Variants in ERBB4 observed in about 807,000 individuals in gnomAD.
ERBB4 encodes the protein receptor tyrosine-protein kinase erbB-4.
A neutral mutation model predicts 158.0 loss-of-function variants in ERBB4; 42 were observed. The observed-to-expected ratio is 0.27, with a 90% CI of 0.21 to 0.34. The LOEUF (loss-of-function observed/expected upper bound fraction) is 0.34. Among genes scored for constraint, ERBB4 ranks in the 10% least tolerant of loss-of-function variants. The probability of loss-of-function intolerance (pLI) is 1.00; values close to 1 mark genes in which losing one functional copy is unlikely to be tolerated. For missense variants in ERBB4, 1,333 were observed against 1,624.1 expected (o/e 0.82, Z 3.08); for synonymous variants, 583 against 558.7 (o/e 1.04, Z -0.61).
At chr2:211,678,404 A>C (rs980648715) in intron 13 of ERBB4, among the ~76,000 whole-genome samples, 1 of 152,216 alleles carries the variant, frequency 6.6e-6, no homozygotes, top group East Asian at 1.9e-4. Flanking sequence ...ATTGGGATAC[A>C]TGGAGAGGAA....
At chr2:211,527,229 C>T (rs182560967) in intron 20 of ERBB4, among the ~76,000 whole-genome samples, 1 of 152,086 alleles carries the variant, frequency 6.6e-6, no homozygotes, top group East Asian at 1.9e-4. Flanking sequence ...CAATGGAGCA[C>T]CCACATGTAT....
At chr2:212,034,745 TATATC>T (rs149044503) in intron 2 of ERBB4, among the ~76,000 whole-genome samples, 20 of 152,256 alleles carry the variant, frequency 1.3e-4, no homozygotes, top group Non-Finnish European at 2.2e-4. Context: ...CTTTTTCTCT[TATATC>T]ATAGTCACAA....
intron 16 of ERBB4, among the ~76,000 whole-genome samples, chr2:211,641,449 C>A (rs2070586789): frequency 1.3e-5 from 2 of 152,086 alleles, no homozygotes; most frequent in Non-Finnish European, 2.9e-5. Context: ...AAAACCTGTT[C>A]ATAGTGCTAT....
intron 3 of ERBB4, among the ~76,000 whole-genome samples, chr2:211,842,758 G>T (rs1019028770): frequency 7.2e-5 from 11 of 151,994 alleles, no homozygotes; most frequent in Non-Finnish European, 1.3e-4. Context: ...AAATTTAAAA[G>T]ATATTTAAAC....
At chr2:212,366,181 T>C (rs976769115) in intron 1 of ERBB4, among the ~76,000 whole-genome samples, 4 of 151,886 alleles carry the variant, frequency 2.6e-5, no homozygotes, top group African/African-American at 9.7e-5. Flanking sequence ...AAGAATGAAG[T>C]TGAAACAAGT....
chr2:211,837,484 G>C (rs1264355722), intron 3 of ERBB4, among the ~76,000 whole-genome samples: 5 of 152,046 alleles, frequency 3.3e-5, no homozygotes, highest in Non-Finnish European at 7.4e-5. Flanking sequence ...TAGGCAAGGA[G>C]AGTTGTTTAA....
chr2:211,953,635 C>T (rs1035068085), intron 2 of ERBB4, among the ~76,000 whole-genome samples: 8 of 151,836 alleles, frequency 5.3e-5, no homozygotes, highest in Admixed American at 1.3e-4. Flanking sequence ...TGTAAGCTTC[C>T]GCTCAGTAAA....
At chr2:212,308,280 C>T (rs80259527) in intron 1 of ERBB4, among the ~76,000 whole-genome samples, 20,501 of 151,058 alleles carry the variant, frequency 0.14, 1,482 homozygotes, top group South Asian at 0.23. Context: ...TATTCGGAAT[C>T]ATTCACAAAA....
At chr2:211,536,105 GATTCTCTTCCTGT>G (rs138387651) in intron 20 of ERBB4, among the ~76,000 whole-genome samples, 2,623 of 152,050 alleles carry the variant, frequency 0.017, 85 homozygotes, top group African/African-American at 0.06. Flanking sequence ...TTTGAGAAGT[GATTCTCTTCCTGT>G]ATTCTCTTCC....
At chr2:212,220,943 T>G (rs1405540257) in intron 1 of ERBB4, among the ~76,000 whole-genome samples, 1 of 151,524 alleles carries the variant, frequency 6.6e-6, no homozygotes, top group Non-Finnish European at 1.5e-5. Context: ...TAAAAGGATG[T>G]GAAAACCTAG....
chr2:211,691,143 G>A (rs1559423329), intron 12 of ERBB4, among the ~76,000 whole-genome samples: 1 of 152,108 alleles, frequency 6.6e-6, no homozygotes, highest in African/African-American at 2.4e-5. Flanking sequence ...AAGCTGAGAA[G>A]TACTGTTTAG....
intron 1 of ERBB4, among the ~76,000 whole-genome samples, chr2:212,141,476 G>A (rs1239922857): frequency 6.6e-6 from 1 of 152,010 alleles, no homozygotes; most frequent in African/African-American, 2.4e-5. Context: ...TCAAGTGAGT[G>A]CATGTAGAAA....
chr2:212,109,869 C>T (rs2079350837), intron 2 of ERBB4, among the ~76,000 whole-genome samples: 1 of 152,074 alleles, frequency 6.6e-6, no homozygotes, highest in South Asian at 2.1e-4. Flanking sequence ...AGCATAAATT[C>T]TACAATGAAG....
chr2:212,472,063 T>C (rs902025050), intron 1 of ERBB4, among the ~76,000 whole-genome samples: 3 of 151,888 alleles, frequency 2.0e-5, no homozygotes, highest in Non-Finnish European at 4.4e-5. Flanking sequence ...TGTAACTTAT[T>C]AAATATTTAA....
intron 2 of ERBB4, among the ~76,000 whole-genome samples, chr2:212,056,425 G>C (rs2077571227): frequency 6.6e-6 from 1 of 152,082 alleles, no homozygotes; most frequent in Non-Finnish European, 1.5e-5. Flanking sequence ...GAAATAGAGA[G>C]AACACCACAA....
At chr2:211,791,486 T>A (rs145388404) in intron 3 of ERBB4, among the ~76,000 whole-genome samples, 5 of 151,544 alleles carry the variant, frequency 3.3e-5, no homozygotes, top group South Asian at 2.1e-4. Context: ...CAAAGAAAGA[T>A]GCAAAGTGTC....
chr2:211,873,864 A>T (rs1255320563), intron 3 of ERBB4, among the ~76,000 whole-genome samples: 1 of 151,554 alleles, frequency 6.6e-6, no homozygotes, highest in African/African-American at 2.4e-5. Flanking sequence ...TTCTTAAAAA[A>T]AATAATAGAT....
intron 20 of ERBB4, among the ~76,000 whole-genome samples, chr2:211,516,357 G>A (rs180907281): frequency 2.0e-4 from 29 of 147,884 alleles, no homozygotes; most frequent in Middle Eastern, 3.5e-3. Context: ...TTTTTTGGAC[G>A]GAGTCTCACT....
intron 2 of ERBB4, among the ~76,000 whole-genome samples, chr2:211,964,231 C>T (rs2081256563): frequency 6.6e-6 from 1 of 152,178 alleles, no homozygotes; most frequent in Non-Finnish European, 1.5e-5. Context: ...ATCCCCTCCT[C>T]TTCTGGAGAA....
Sources: allele counts gnomAD v4.1 joint callset (sites outside exome capture counted in the v4.1 genomes callset), GRCh38; gene constraint gnomAD v4.1.1; transcripts MANE v1.5; gene names NCBI Gene and HGNC (gene_info 2026-07-23, HGNC 2026-07-21).